The following KIF5B variants were observed in gnomAD, a reference collection of about 807,000 sequenced individuals.
KIF5B encodes the protein kinesin family member 5B, also known as kinesin-1 heavy chain.
In KIF5B, 49 loss-of-function variants were observed where a neutral mutation model predicts 132.8. The ratio of observed to expected loss-of-function variants is 0.37; its 90% CI spans 0.29 to 0.47. The LOEUF (loss-of-function observed/expected upper bound fraction) is 0.47, where lower values mean the gene tolerates loss of function less well. Ranked by LOEUF, KIF5B falls within the 20% of genes least tolerant of loss-of-function variation. The probability of loss-of-function intolerance (pLI) is 1.00; values close to 1 mark genes in which losing one functional copy is unlikely to be tolerated. For missense variants in KIF5B, 780 were observed against 1,144.0 expected (o/e 0.68, Z 4.59); for synonymous variants, 355 against 369.4 (o/e 0.96, Z 0.45).
intron 1 of KIF5B, among the ~76,000 whole-genome samples, chr10:32,050,992 A>C (rs1841687304): frequency 6.6e-6 from 1 of 152,238 alleles, no homozygotes; most frequent in Non-Finnish European, 1.5e-5. Flanking sequence ...TTTAGTGACT[A>C]TAAAGATATG....
At position 32,035,786 on chromosome 10, in the gene KIF5B, CTCTT is replaced by C. The variant is rs1841453901; in HGVS notation, c.816+100_816+103del. The C allele has an allele frequency of 3.7e-5, 48 of 1,309,938 alleles. No individual in the cohort carries two copies. The South Asian group carries it at 6.2e-4, about 17-fold the overall frequency. The allele number at this position is 1,309,938 out of a possible 1,614,324, so 81.1% of individuals were successfully genotyped here. A position where few individuals can be genotyped will look rare whatever the true frequency, so the allele number is the denominator to read the frequency against. On this transcript the variant is annotated intron_variant, in intron 9 of 25. Coordinates refer to ENST00000302418, the MANE Select transcript of KIF5B (RefSeq NM_004521.3). ...ATTCAAACACATTGAATCTCAATCT[CTCTT>C]TCTCTCTCTCTCTCTCATACACACC...
chr10:32,015,471 C>T (rs1841145928), intron 25 of KIF5B, 38 bp downstream of exon 25: 10 of 1,441,550 alleles, frequency 6.9e-6, no homozygotes, highest in Middle Eastern at 1.8e-4. Context: ...ACCAATTTTC[C>T]ACAAACAGAT....
At chr10:32,023,569 T>C (rs1193331187) in intron 15 of KIF5B, among the ~76,000 whole-genome samples, 5 of 147,064 alleles carry the variant, frequency 3.4e-5, no homozygotes, top group Non-Finnish European at 6.0e-5. Flanking sequence ...AGACCCTGAA[T>C]AGCTAGCACA....
intron 2 of KIF5B, among the ~76,000 whole-genome samples, chr10:32,043,533 G>A (rs915127251): frequency 2.6e-5 from 4 of 152,096 alleles, no homozygotes; most frequent in East Asian, 1.9e-4. Flanking sequence ...TGAATACAGC[G>A]GCAGAGAGTT....
At position 32,022,255 on chromosome 10, in the gene KIF5B, A is replaced by G. The variant is rs1780032595; in HGVS notation, c.1917T>C (p.His639=). ...CAGTCAATGACTTGATTTTGGCTTCATGCTTTTGGAAAAAATATACTGATA... is the reference window on the plus strand; with the variant it reads ...CAGTCAATGACTTGATTTTGGCTTCGTGCTTTTGGAAAAAATATACTGATA... ...LAACQLRISQ[H]EAKIKSLTEY... is the part of the protein sequence containing the mutation. The change falls in exon 17 of 26, where the codon CAT becomes CAC. Residue 639 remains histidine, a splice_region_variant and synonymous_variant. Coordinates refer to ENST00000302418, the MANE Select transcript of KIF5B (RefSeq NM_004521.3). The G allele has an allele frequency of 1.3e-6, 2 of 1,549,388 alleles. No homozygotes were observed. The highest frequency in any genetic ancestry group is 2.7e-5 in the African/African-American group (2 of 73,504).
At chr10:32,017,029 TAG>T (rs1454070803) in intron 24 of KIF5B, 112 bp downstream of exon 24, 10 of 853,048 alleles carry the variant, frequency 1.2e-5, no homozygotes, top group African/African-American at 3.4e-5. Flanking sequence ...TCTGCTAAGT[TAG>T]AAAATAGAGA....
chr10:32,018,350 A>T lies in KIF5B; in HGVS notation c.2405T>A (p.Leu802His). The change falls in exon 22 of 26, where the codon CTC becomes CAC. Residue 802 changes from leucine to histidine, a missense_variant. By Grantham distance (99) the Leu-to-His change is moderately conservative. Coordinates refer to ENST00000302418, the MANE Select transcript of KIF5B (RefSeq NM_004521.3). Reference sequence around the variant, plus strand: ...TCTTGTAGCCAGGTCCTGAACAAAGAGTTTGCGCAGGTTGTGTAAAGTCTG... The same window carrying T: ...TCTTGTAGCCAGGTCCTGAACAAAGTGTTTGCGCAGGTTGTGTAAAGTCTG... ...ELQTLHNLRKLFVQDLATRVK... is the reference protein window; with the variant it reads ...ELQTLHNLRKHFVQDLATRVK... 1 of 1,520,184 alleles carries T rather than the reference A, an allele frequency of 6.6e-7. No individual in the cohort carries two copies. Among genetic ancestry groups the T allele is most frequent in the South Asian group, 1.4e-5 (1 of 73,070 alleles). 94.2% of individuals were successfully genotyped at this position (1,520,184 alleles called of 1,614,324 possible).
chr10:32,018,748 CAG>C (rs1396372054), intron 20 of KIF5B, among the ~76,000 whole-genome samples, 186 bp from the exon 21 acceptor site: 2 of 150,834 alleles, frequency 1.3e-5, no homozygotes, highest in Non-Finnish European at 2.9e-5. Context: ...TTTTTTGACA[CAG>C]AGTTTCTGTC....
At chr10:32,045,542 G>A (rs1403999236) in intron 2 of KIF5B, among the ~76,000 whole-genome samples, 1 of 152,110 alleles carries the variant, frequency 6.6e-6, no homozygotes, top group East Asian at 1.9e-4. Context: ...GGAGGATTAC[G>A]TTCCAGGGAT....
intron 15 of KIF5B, among the ~76,000 whole-genome samples, chr10:32,025,104 A>T (rs1026645779): frequency 6.6e-6 from 1 of 152,206 alleles, no homozygotes; most frequent in Non-Finnish European, 1.5e-5. Flanking sequence ...CAACAATAAG[A>T]AAAAACACAA....
intron 8 of KIF5B, among the ~76,000 whole-genome samples, chr10:32,036,767 A>C (rs1841464714): frequency 6.6e-6 from 1 of 152,232 alleles, no homozygotes; most frequent in Non-Finnish European, 1.5e-5. Context: ...AAATGGTCAG[A>C]GGTCCCTATT....
chr10:32,022,796 A>G, intron 16 of KIF5B, 52 bp downstream of exon 16: 1 of 1,319,728 alleles, frequency 7.6e-7, no homozygotes, highest in Non-Finnish European at 1.0e-6. Flanking sequence ...AATAAATAAA[A>G]TTTCTATGTG....
chr10:32,038,842 A>T lies in KIF5B; in HGVS notation c.394-16T>A, dbSNP rs780259136. ...AATATGAAACCTAAAGGGCAAATTT[A>T]AAAAAACACCGATCAACTAAAGTTA... is the stretch of plus-strand genomic sequence containing the variant. On this transcript the variant is annotated splice_polypyrimidine_tract_variant and intron_variant, in intron 4 of 25. Coordinates refer to ENST00000302418, the MANE Select transcript of KIF5B (RefSeq NM_004521.3). 8.2e-6 allele frequency: 12 copies of T among 1,460,912 alleles called. No individual in the cohort carries two copies. In the African/African-American group the frequency reaches 8.4e-5, roughly 10 times the overall value. 90.5% of individuals were successfully genotyped at this position (1,460,912 alleles called of 1,614,324 possible).
intron 25 of KIF5B, among the ~76,000 whole-genome samples, chr10:32,013,197 G>A (rs1339875650): frequency 1.3e-5 from 2 of 152,038 alleles, no homozygotes; most frequent in Non-Finnish European, 2.9e-5. Context: ...ACTGCTCCCG[G>A]CCAACTCATG....
chr10:32,053,161 T>G (rs562846496), intron 1 of KIF5B, among the ~76,000 whole-genome samples: 2 of 152,328 alleles, frequency 1.3e-5, no homozygotes, highest in African/African-American at 4.8e-5. Context: ...GAATCAGGAT[T>G]AGGAACCAGT....
chr10:32,018,844 C>A (rs1028540713), intron 20 of KIF5B, among the ~76,000 whole-genome samples: 1 of 152,058 alleles, frequency 6.6e-6, no homozygotes, highest in Non-Finnish European at 1.5e-5. Context: ...GGACTACAGG[C>A]ATGTACAATC....
chr10:32,017,423 A>G (rs927048049), intron 23 of KIF5B, 64 bp from the exon 24 acceptor site: 67 of 1,228,886 alleles, frequency 5.5e-5, no homozygotes, highest in Admixed American at 1.1e-4. Flanking sequence ...AAGTATGAGC[A>G]TTTCATAATT....
Position 32,010,392 on chromosome 10 carries a change from C to T in KIF5B, c.*1145G>A, listed in dbSNP as rs1841061028. The T allele has an allele frequency of 6.6e-6, 1 of 152,164 alleles. No individual in the cohort carries two copies. The highest frequency in any genetic ancestry group is 6.5e-5 in the Admixed American group (1 of 15,278). 9.4% of individuals were successfully genotyped at this position (152,164 alleles called of 1,614,324 possible). A position where few individuals can be genotyped will look rare whatever the true frequency, so the allele number is the denominator to read the frequency against. On this transcript the variant is annotated 3_prime_UTR_variant, in exon 26 of 26. Coordinates refer to ENST00000302418, the MANE Select transcript of KIF5B (RefSeq NM_004521.3). ...TAATTTATCTAATGATTATTAGTGA[C>T]TTGCAAACAATTTACTATTTCTAGA...
chr10:32,045,843 G>A (rs984360890), intron 2 of KIF5B, among the ~76,000 whole-genome samples: 2 of 152,124 alleles, frequency 1.3e-5, no homozygotes, highest in African/African-American at 2.4e-5. Context: ...CTAAGGACTA[G>A]CCAATCGTAT....
Sources: gnomAD v4.1 joint callset for allele counts (sites outside exome capture counted in the v4.1 genomes callset) on GRCh38, gnomAD v4.1.1 for gene constraint, MANE v1.5 for transcripts, NCBI Gene and HGNC (gene_info 2026-07-23, HGNC 2026-07-21) for gene names.